REEP3: variants seen among roughly 807,000 people sequenced by gnomAD.
REEP3 encodes the protein receptor expression-enhancing protein 3.
REEP3 carries 20 observed loss-of-function variants against 41.3 expected under a neutral mutation model. The observed-to-expected ratio is 0.48, with a 90% confidence interval of 0.34 to 0.70. The LOEUF (loss-of-function observed/expected upper bound fraction) is 0.70. Ranked by LOEUF, REEP3 falls within the 30% of genes least tolerant of loss-of-function variation. The probability of loss-of-function intolerance (pLI) is 0.01; values close to 1 mark genes in which losing one functional copy is unlikely to be tolerated. For missense variants in REEP3, 271 were observed against 308.8 expected (o/e 0.88, Z 0.92); for synonymous variants, 104 against 101.8 (o/e 1.02, Z -0.13).
At chr10:63,544,075 A>G (rs888963079) in intron 1 of REEP3, among the ~76,000 whole-genome samples, 4 of 152,224 alleles carry the variant, frequency 2.6e-5, no homozygotes, top group Non-Finnish European at 5.9e-5. Flanking sequence ...TGAACTTTCA[A>G]TTTCATCTTT....
At chr10:63,601,258 A>G (rs541165728) in intron 5 of REEP3, among the ~76,000 whole-genome samples, 2 of 152,288 alleles carry the variant, frequency 1.3e-5, no homozygotes, top group East Asian at 3.9e-4. Context: ...CCATGATACC[A>G]TCATGATTTT....
chr10:63,587,262 C>A (rs566408297), intron 2 of REEP3, among the ~76,000 whole-genome samples: 2 of 152,200 alleles, frequency 1.3e-5, no homozygotes, highest in Non-Finnish European at 2.9e-5. Flanking sequence ...TCCTACCCTT[C>A]ATTTCTTTCC....
intron 7 of REEP3, among the ~76,000 whole-genome samples, chr10:63,620,312 C>T (rs1956344282): frequency 6.6e-6 from 1 of 152,202 alleles, no homozygotes; most frequent in Admixed American, 6.5e-5. Context: ...AACTCTTAAT[C>T]TTCTGCTATA....
chr10:63,530,047 G>A (rs1955405632), intron 1 of REEP3, among the ~76,000 whole-genome samples: 1 of 152,134 alleles, frequency 6.6e-6, no homozygotes, highest in African/African-American at 2.4e-5. Flanking sequence ...CTCAAGTGCT[G>A]GGATTACTAG....
intron 5 of REEP3, among the ~76,000 whole-genome samples, chr10:63,604,309 T>A (rs1437259033): frequency 6.6e-6 from 1 of 152,240 alleles, no homozygotes; most frequent in Non-Finnish European, 1.5e-5. Context: ...CCTTCAAGGA[T>A]TTTGCTGAGG....
intron 2 of REEP3, among the ~76,000 whole-genome samples, chr10:63,589,817 C>T (rs1261188094): frequency 1.2e-4 from 5 of 40,186 alleles, no homozygotes; most frequent in South Asian, 1.6e-3. Flanking sequence ...TTTTTGGAAA[C>T]GGAGTCTTGC....
At chr10:63,534,184 G>A (rs1244168301) in intron 1 of REEP3, among the ~76,000 whole-genome samples, 1 of 152,040 alleles carries the variant, frequency 6.6e-6, no homozygotes. Context: ...CAAAGATTAT[G>A]CTTATTATGA....
At chr10:63,609,751 C>G (rs531188180) in intron 5 of REEP3, among the ~76,000 whole-genome samples, 60 of 152,112 alleles carry the variant, frequency 3.9e-4, no homozygotes, top group African/African-American at 1.4e-3. Context: ...CGGAGTGAGA[C>G]TCTGTCTCTA....
At chr10:63,529,454 T>TTTTA (rs35325932) in intron 1 of REEP3, among the ~76,000 whole-genome samples, 31,719 of 151,354 alleles carry the variant, frequency 0.21, 4,172 homozygotes, top group Non-Finnish European at 0.3. Flanking sequence ...CTTTTATTTA[T>TTTTA]TTTATTTATT....
intron 1 of REEP3, chr10:63,562,895 G>A (rs765541149): frequency 2.0e-5 from 9 of 456,134 alleles, no homozygotes; most frequent in Non-Finnish European, 3.5e-5. Flanking sequence ...AACCCCCTGC[G>A]CATCAGAATG....
In REEP3 at chr10:63,624,133, AT is replaced by A. The variant is rs998594299; in HGVS notation, c.*3266del. 6.6e-6 allele frequency: 1 copy of A among 152,102 alleles called. No individual in the cohort carries two copies. Among genetic ancestry groups the A allele is most frequent in the African/African-American group, 2.4e-5 (1 of 41,426 alleles). The allele number at this position is 152,102 out of a possible 1,614,324, so 9.4% of individuals were successfully genotyped here. A position where few individuals can be genotyped will look rare whatever the true frequency, so the allele number is the denominator to read the frequency against. On this transcript the variant is annotated 3_prime_UTR_variant, in exon 8 of 8. Coordinates refer to ENST00000373758, the MANE Select transcript of REEP3 (RefSeq NM_001001330.3). ...AAATTTTCATTTGATTATCAGGAAA[AT>A]TAAGGAGTTATATATTTAAAAGCAA...
intron 2 of REEP3, among the ~76,000 whole-genome samples, chr10:63,571,704 C>G (rs1955853836): frequency 6.6e-6 from 1 of 152,176 alleles, no homozygotes; most frequent in South Asian, 2.1e-4. Context: ...ACACAGACAT[C>G]TTTAGGGGAG....
At chr10:63,616,637 T>TA (rs1404242964) in intron 6 of REEP3, among the ~76,000 whole-genome samples, 1 of 152,204 alleles carries the variant, frequency 6.6e-6, no homozygotes, top group Non-Finnish European at 1.5e-5. Context: ...GAGAGGCAGT[T>TA]AAAATAGCAA....
intron 2 of REEP3, among the ~76,000 whole-genome samples, chr10:63,585,861 T>C (rs1372990592): frequency 6.6e-6 from 1 of 152,188 alleles, no homozygotes; most frequent in African/African-American, 2.4e-5. Flanking sequence ...CCTTGTATAC[T>C]TGGGGCCTGG....
chr10:63,581,218 G>C (rs1258282060), intron 2 of REEP3, among the ~76,000 whole-genome samples: 2 of 151,982 alleles, frequency 1.3e-5, no homozygotes. Flanking sequence ...GTAATAATCA[G>C]ATTGTCAACC....
Position 63,594,853 on chromosome 10 carries a change from TG to T in REEP3, c.182+1del, listed in dbSNP as rs1303455016. ...AACAGTAGCCGATCAAACAGTTGCT[TG>T]GTAAGTTTTACTATTGAGAAGGGGC... ...IETVADQTVA[W>X]FPLYYELKIA... On this transcript the variant is annotated frameshift_variant and splice_region_variant, in exon 3 of 8. Transcript: ENST00000373758. LOFTEE classifies it high-confidence loss of function. 4 of 1,605,194 alleles carry T rather than the reference TG, an allele frequency of 2.5e-6. No individual in the cohort carries two copies. The highest frequency in any genetic ancestry group is 3.4e-6 in the Non-Finnish European group (4 of 1,171,970).
chr10:63,620,624 A>G (rs1956346391), intron 7 of REEP3, among the ~76,000 whole-genome samples, 189 bp from the exon 8 acceptor site: 1 of 146,406 alleles, frequency 6.8e-6, no homozygotes, highest in Non-Finnish European at 1.5e-5. Context: ...TCTGTAACAT[A>G]TATCTAAATA....
intron 5 of REEP3, among the ~76,000 whole-genome samples, chr10:63,608,348 G>A (rs752938877): frequency 2.6e-5 from 4 of 152,136 alleles, no homozygotes; most frequent in African/African-American, 7.2e-5. Flanking sequence ...GTAGAAATAC[G>A]CAGCTCAAGT....
In REEP3 at chr10:63,568,650, A is replaced by ATTTT. The variant is rs10622553; in HGVS notation, c.105+2259_105+2262dup. Among the ~76,000 whole-genome samples the ATTTT allele has an allele frequency of 3.4e-3, 373 of 109,092 alleles. 6 individuals are homozygous for ATTTT. Among genetic ancestry groups the ATTTT allele is most frequent in the Non-Finnish European group, 4.9e-3 (274 of 56,144 alleles). The allele number at this position is 109,092 out of a possible 152,430, so 71.6% of individuals were successfully genotyped here. ...CCCTAAACCTGAAATACAACCCAGA[A>ATTTT]TTTTTTTTTTTTTTTTTTTTTTGAG... On this transcript the variant is annotated intron_variant, in intron 2 of 7. Transcript: ENST00000373758.
Sources: allele counts gnomAD v4.1 joint callset (sites outside exome capture counted in the v4.1 genomes callset), GRCh38; gene constraint gnomAD v4.1.1; transcripts MANE v1.5; gene names NCBI Gene and HGNC (gene_info 2026-07-23, HGNC 2026-07-21).